Variants in NSRP1 observed in about 807,000 individuals in gnomAD.
The protein encoded by NSRP1 is nuclear speckle splicing regulatory protein 1.
In NSRP1, 24 loss-of-function variants were observed where a neutral mutation model predicts 54.7. That is an observed-to-expected ratio of 0.44 (90% CI 0.32 to 0.62). NSRP1 has a LOEUF of 0.62. Among genes scored for constraint, NSRP1 ranks in the 20% least tolerant of loss-of-function variants. The pLI is 0.06. For missense variants in NSRP1, 596 were observed against 651.2 expected, an observed-to-expected ratio of 0.92 and a Z score of 0.92; for synonymous variants, 210 against 213.8, an observed-to-expected ratio of 0.98 and a Z score of 0.15.
chr17:30,172,008 T>TCC, intron 2 of NSRP1, among the ~76,000 whole-genome samples: 1 of 133,434 alleles, frequency 7.5e-6, no homozygotes, highest in South Asian at 2.8e-4. Flanking sequence ...TCTCTCTCTC[T>TCC]CTCTCTCACA....
chr17:30,168,587 ATAATAG>A (rs1279164230), intron 2 of NSRP1, among the ~76,000 whole-genome samples: 5 of 148,290 alleles, frequency 3.4e-5, no homozygotes, highest in African/African-American at 9.8e-5. Flanking sequence ...AATAATAATA[ATAATAG>A]TAATAATAAT....
At chr17:30,140,849 A>G (rs531693190) in intron 2 of NSRP1, among the ~76,000 whole-genome samples, 4 of 151,864 alleles carry the variant, frequency 2.6e-5, no homozygotes, top group African/African-American at 7.2e-5. Flanking sequence ...TTTTTCAGCT[A>G]ATTTTGGTTA....
intron 2 of NSRP1, among the ~76,000 whole-genome samples, chr17:30,128,911 G>T (rs1421148411): frequency 3.3e-5 from 5 of 150,432 alleles, no homozygotes; most frequent in African/African-American, 1.2e-4. Flanking sequence ...ACAATGAGTG[G>T]TTTTTTTGTT....
In NSRP1 at chr17:30,183,559, G is replaced by A. The variant is rs181471909; in HGVS notation, c.618-1056G>A. Among the ~76,000 whole-genome samples, 430 of 152,246 alleles carry A rather than the reference G, an allele frequency of 2.8e-3. 2 individuals are homozygous for A. The highest frequency in any genetic ancestry group is 0.024 in the Middle Eastern group (7 of 294). Reference sequence around the variant, plus strand: ...TAATCGAATTCCTAACTGTTAGTGGGTCCTTTAGCCAAGATAGTTCTGCCA... The same window carrying A: ...TAATCGAATTCCTAACTGTTAGTGGATCCTTTAGCCAAGATAGTTCTGCCA... On this transcript the variant is annotated intron_variant, in intron 6 of 6. Transcript: ENST00000247026.
At chr17:30,119,519 T>C (rs1274583275) in intron 2 of NSRP1, among the ~76,000 whole-genome samples, 2 of 151,706 alleles carry the variant, frequency 1.3e-5, no homozygotes, top group East Asian at 1.9e-4. Flanking sequence ...CCTCTTTTTT[T>C]TGAGATGGAG....
Position 30,184,637 on chromosome 17 carries a change from T to A in NSRP1, c.640T>A (p.Ser214Thr). ...AAGATCTGGTATAAAGGAAGAAAAA[T>A]CAAGGGGCTTCTCCAATGAAGTAAG... ...EARSGIKEEK[S>T]RGFSNEVSSK... Residue 214 changes from serine to threonine, a missense_variant, in exon 7 of 7, where the codon TCA (serine) becomes ACA (threonine). Physicochemically the swap from Ser to Thr is moderately conservative, Grantham distance 58 (BLOSUM62 1). Coordinates refer to ENST00000247026, the MANE Select transcript of NSRP1 (RefSeq NM_032141.4). 1 of 1,566,380 alleles carries A rather than the reference T, an allele frequency of 6.4e-7. No homozygotes were observed. The highest frequency in any genetic ancestry group is 8.6e-7 in the Non-Finnish European group (1 of 1,158,482).
intron 2 of NSRP1, among the ~76,000 whole-genome samples, chr17:30,138,751 T>C (rs1393227762): frequency 1.3e-5 from 2 of 152,050 alleles, no homozygotes; most frequent in Non-Finnish European, 2.9e-5. Context: ...GTTTCAGTCT[T>C]GAGGAACCAC....
intron 2 of NSRP1, among the ~76,000 whole-genome samples, chr17:30,135,043 T>C (rs775303610): frequency 8.5e-5 from 13 of 152,144 alleles, no homozygotes; most frequent in Non-Finnish European, 1.2e-4. Flanking sequence ...GGGTTTTCAA[T>C]GGGTATGCTG....
chr17:30,162,847 T>C (rs1904569089), intron 2 of NSRP1, among the ~76,000 whole-genome samples: 1 of 152,138 alleles, frequency 6.6e-6, no homozygotes, highest in African/African-American at 2.4e-5. Flanking sequence ...CTATATTTTG[T>C]TTCCTGGTGA....
chr17:30,163,189 TTGTGTGTGTGTGTGTGTG>T (rs35702441), intron 2 of NSRP1: 40,401 of 121,588 alleles, frequency 0.33, 7,742 homozygotes, highest in East Asian at 0.55. Context: ...CCGGCTAATT[TTGTGTGTGTGTGTGTGTG>T]TGTGTGTGTG....
intron 2 of NSRP1, among the ~76,000 whole-genome samples, chr17:30,165,142 A>G (rs1904684018): frequency 1.3e-5 from 2 of 152,232 alleles, no homozygotes; most frequent in South Asian, 4.1e-4. Context: ...CATCAAACAC[A>G]GAGATAATGG....
chr17:30,182,456 A>G (rs1193167145), intron 6 of NSRP1, among the ~76,000 whole-genome samples: 18 of 144,596 alleles, frequency 1.2e-4, no homozygotes, highest in Middle Eastern at 4.6e-3. Context: ...ATCCTGGCCA[A>G]CATGGTGAAA....
At chr17:30,127,197 G>A (rs1009342020) in intron 2 of NSRP1, among the ~76,000 whole-genome samples, 2 of 152,224 alleles carry the variant, frequency 1.3e-5, no homozygotes, top group Non-Finnish European at 2.9e-5. Flanking sequence ...AGTGTTAAGT[G>A]ACCAAGATGG....
chr17:30,140,395 C>CA (rs1461383548), intron 2 of NSRP1, among the ~76,000 whole-genome samples: 3 of 151,502 alleles, frequency 2.0e-5, no homozygotes, highest in African/African-American at 7.3e-5. Context: ...TAAAAGAGAC[C>CA]AAAATATTTG....
chr17:30,138,364 G>C (rs146459860), intron 2 of NSRP1, among the ~76,000 whole-genome samples: 230 of 152,234 alleles, frequency 1.5e-3, no homozygotes, highest in African/African-American at 5.2e-3. Context: ...TTGGGGGACT[G>C]GTTTGAGGTC....
chr17:30,150,849 G>A (rs752921128), intron 2 of NSRP1, among the ~76,000 whole-genome samples: 16 of 151,606 alleles, frequency 1.1e-4, no homozygotes, highest in Non-Finnish European at 2.1e-4. Context: ...CACCATGCCC[G>A]GCTAATTTTT....
Position 30,155,373 on chromosome 17 carries a change from T to C in NSRP1, c.115-17169T>C, listed in dbSNP as rs186975143. 4.4e-4 allele frequency among the ~76,000 whole-genome samples: 67 copies of C among 152,270 alleles called. No homozygotes were observed. The Middle Eastern group carries it at 0.01, about 23-fold the overall frequency. On this transcript the variant is annotated intron_variant, in intron 2 of 6. Coordinates refer to ENST00000247026, the MANE Select transcript of NSRP1 (RefSeq NM_032141.4). The stretch of plus-strand genomic sequence containing the variant: ...TTGTTGTATATGCAGGCGTGTGTGT[T>C]TTATTTATCCTCTGTCCTCTTTTGC...
At chr17:30,165,118 A>G (rs1405105568) in intron 2 of NSRP1, among the ~76,000 whole-genome samples, 1 of 152,254 alleles carries the variant, frequency 6.6e-6, no homozygotes, top group African/African-American at 2.4e-5. Flanking sequence ...GCATAATTCA[A>G]TTTATTTAAC....
intron 2 of NSRP1, among the ~76,000 whole-genome samples, chr17:30,135,356 C>T (rs181786592): frequency 2.0e-5 from 3 of 151,512 alleles, no homozygotes; most frequent in Admixed American, 6.6e-5. Context: ...ACTCCTGGGG[C>T]TCAAGTGATC....
Sources: gnomAD v4.1 joint callset for allele counts (sites outside exome capture counted in the v4.1 genomes callset) on GRCh38, gnomAD v4.1.1 for gene constraint, MANE v1.5 for transcripts, NCBI Gene and HGNC (gene_info 2026-07-23, HGNC 2026-07-21) for gene names.